The following TP73 variants were observed in gnomAD, a reference collection of about 807,000 sequenced individuals.
TP73 encodes p53-like transcription factor.
In TP73, 25 loss-of-function variants were observed where a neutral mutation model predicts 62.5. The ratio of observed to expected loss-of-function variants is 0.40; its 90% CI spans 0.29 to 0.56. The LOEUF (loss-of-function observed/expected upper bound fraction) is 0.56. Ranked by LOEUF, TP73 falls within the 20% of genes least tolerant of loss-of-function variation. The pLI is 0.46. For missense variants in TP73, 754 were observed against 913.3 expected (o/e 0.83, Z 2.25); for synonymous variants, 423 against 377.5 (o/e 1.12, Z -1.40).
At chr1:3,674,166 G>A (rs1645307413) in intron 1 of TP73, among the ~76,000 whole-genome samples, 1 of 152,198 alleles carries the variant, frequency 6.6e-6, no homozygotes, top group African/African-American at 2.4e-5. Flanking sequence ...CTGGTTGGGG[G>A]CACCCCCACC....
At chr1:3,689,048 C>T (rs1346174981) in intron 3 of TP73, among the ~76,000 whole-genome samples, 2 of 152,152 alleles carry the variant, frequency 1.3e-5, no homozygotes, top group Non-Finnish European at 2.9e-5. Context: ...ACCCAGGCCC[C>T]GCCTCGGCCC....
chr1:3,671,007 C>T (rs928953398), intron 1 of TP73, among the ~76,000 whole-genome samples: 2 of 152,170 alleles, frequency 1.3e-5, no homozygotes, highest in Admixed American at 6.5e-5. Context: ...GGAAGACCAG[C>T]GTCTCTTAAA....
At chr1:3,707,449 C>T (rs1026971708) in intron 3 of TP73, 100 bp from the exon 4 acceptor site, 12 of 1,490,092 alleles carry the variant, frequency 8.1e-6, no homozygotes, top group South Asian at 5.2e-5. Flanking sequence ...TGACTGGAGC[C>T]GCTGGCCCTT....
At position 3,686,251 on chromosome 1, in the gene TP73, C is replaced by T. The variant is rs559001380; in HGVS notation, c.186+3071C>T. ...GGGCGTGCCTTCCGCATCTGGGGGACGTGGGTCTCCCCGAACCACGAGCAG... is the reference window on the plus strand; with the variant it reads ...GGGCGTGCCTTCCGCATCTGGGGGATGTGGGTCTCCCCGAACCACGAGCAG... On this transcript the variant is annotated intron_variant, in intron 3 of 13. Transcript: ENST00000378295. Among the ~76,000 whole-genome samples, 136 of 152,316 alleles carry T rather than the reference C, an allele frequency of 8.9e-4. No individual in the cohort carries two copies. In the Middle Eastern group the frequency reaches 0.01, roughly 11 times the overall value.
At chr1:3,729,016 CAG>C (rs1280335616) in intron 9 of TP73, among the ~76,000 whole-genome samples, 1 of 150,106 alleles carries the variant, frequency 6.7e-6, no homozygotes. Flanking sequence ...GACAGAGAGA[CAG>C]AGAGAGACAG....
At chr1:3,661,899 TA>T (rs1201908660) in intron 1 of TP73, among the ~76,000 whole-genome samples, 2 of 149,624 alleles carry the variant, frequency 1.3e-5, no homozygotes, top group Admixed American at 6.7e-5. Flanking sequence ...TTTTATTTTT[TA>T]TTTTTTTTAA....
chr1:3,681,319 G>A (rs182173304), intron 1 of TP73, among the ~76,000 whole-genome samples: 1 of 152,214 alleles, frequency 6.6e-6, no homozygotes, highest in Non-Finnish European at 1.5e-5. Flanking sequence ...TGGCCCAGGG[G>A]AGAGGTCACC....
chr1:3,657,729 A>G (rs772378689), intron 1 of TP73, among the ~76,000 whole-genome samples: 18 of 152,298 alleles, frequency 1.2e-4, no homozygotes, highest in Admixed American at 5.2e-4. Context: ...GAACCCGGAC[A>G]CTGAAGGTCG....
chr1:3,729,979 C>T lies in TP73; in HGVS notation c.1197-21C>T, dbSNP rs371475825. ...GAGGCTGCCTTGCTTCCCACCCATG[C>T]GAGCCGTTGCTTCTGAGCAGGAGTC... On this transcript the variant is annotated intron_variant, in intron 10 of 13. Coordinates refer to ENST00000378295, the MANE Select transcript of TP73 (RefSeq NM_005427.4). The T allele has an allele frequency of 9.0e-6, 14 of 1,558,782 alleles. No individual in the cohort carries two copies. The East Asian group carries it at 1.6e-4, about 18-fold the overall frequency.
At chr1:3,708,021 G>A in intron 4 of TP73, 1 of 647,478 alleles carries the variant, frequency 1.5e-6, no homozygotes. Context: ...AGCCTCCAAA[G>A]GGCCACAGAG....
intron 1 of TP73, among the ~76,000 whole-genome samples, chr1:3,656,005 G>A (rs553690345): frequency 1.3e-5 from 2 of 152,190 alleles, no homozygotes; most frequent in African/African-American, 4.8e-5. Context: ...GTGAAACCCC[G>A]TCTCTACTAA....
At chr1:3,694,801 A>C (rs12722819) in intron 3 of TP73, among the ~76,000 whole-genome samples, 440 of 25,554 alleles carry the variant, frequency 0.017, 7 homozygotes, top group Admixed American at 0.033. Flanking sequence ...GCAGCCTCAG[A>C]CCCTTCCTCC....
At chr1:3,723,025 G>A (rs1180644416) in intron 5 of TP73, among the ~76,000 whole-genome samples, 1 of 141,930 alleles carries the variant, frequency 7.0e-6, no homozygotes, top group Non-Finnish European at 1.5e-5. Flanking sequence ...TGACACCGGG[G>A]TGGGCACCTC....
In TP73 at chr1:3,722,151, T is replaced by C. The variant is rs1350804777; in HGVS notation, c.560T>C (p.Val187Ala). Residue 187 changes from valine (V) to alanine (A), a missense_variant, in exon 5 of 14, where the codon GTG becomes GCG. Val to Ala is a moderately conservative substitution (Grantham distance 64). Coordinates refer to ENST00000378295, the MANE Select transcript of TP73 (RefSeq NM_005427.4). ...CCTGTTTACAAGAAAGCGGAGCACG[T>C]GACCGACGTCGTGAAACGCTGCCCC... is the stretch of plus-strand genomic sequence containing the variant. ...AMPVYKKAEH[V>A]TDVVKRCPNH... is the part of the protein sequence containing the mutation. 1.9e-6 allele frequency: 3 copies of C among 1,612,590 alleles called. No individual in the cohort carries two copies. The highest frequency in any genetic ancestry group is 2.5e-6 in the Non-Finnish European group (3 of 1,179,870).
chr1:3,698,038 C>T (rs1638826145), intron 3 of TP73: 1 of 981,702 alleles, frequency 1.0e-6, no homozygotes, highest in Non-Finnish European at 1.2e-6. Context: ...ATTCTCGGCT[C>T]AGCCACTAAT....
rs974864831 is a variant in TP73 at position 3,733,340 on chromosome 1, C to T, written c.*261C>T. 3 of 547,232 alleles carry T rather than the reference C, an allele frequency of 5.5e-6. No individual in the cohort carries two copies. Among genetic ancestry groups the T allele is most frequent in the South Asian group, 2.5e-5 (1 of 39,386 alleles). 33.9% of individuals were successfully genotyped at this position (547,232 alleles called of 1,614,324 possible). On this transcript the variant is annotated 3_prime_UTR_variant, in exon 14 of 14. Transcript: ENST00000378295. ...GGCTTGTGGGGCGGGGGCTGGCCCA[C>T]TCTCAGCCCTGCCACTGCCCCGGCG...
chr1:3,659,130 T>G, intron 1 of TP73: 1 of 151,462 alleles, frequency 6.6e-6, no homozygotes, highest in Non-Finnish European at 1.5e-5. Context: ...ACTGGGTGGG[T>G]GTGTTGTCCC....
intron 4 of TP73, among the ~76,000 whole-genome samples, chr1:3,720,658 C>G (rs1640999354): frequency 6.6e-6 from 1 of 152,260 alleles, no homozygotes; most frequent in African/African-American, 2.4e-5. Context: ...CTCCATCTCC[C>G]CTGTCTCTTT....
At chr1:3,654,587 T>G (rs1341189752) in intron 1 of TP73, among the ~76,000 whole-genome samples, 1 of 152,194 alleles carries the variant, frequency 6.6e-6, no homozygotes, top group Non-Finnish European at 1.5e-5. Flanking sequence ...GTCAGTGAGG[T>G]GCCGTCCGAA....
Sources: allele counts gnomAD v4.1 joint callset (sites outside exome capture counted in the v4.1 genomes callset), GRCh38; gene constraint gnomAD v4.1.1; transcripts MANE v1.5; gene names NCBI Gene and HGNC (gene_info 2026-07-23, HGNC 2026-07-21).